The following CADM1 variants were observed in gnomAD, a reference collection of about 807,000 sequenced individuals.
The protein encoded by CADM1 is TSLC-1.
Under a neutral mutation model 53.1 loss-of-function variants are expected in CADM1, and 15 were observed. The observed-to-expected ratio is 0.28, with a 90% CI of 0.19 to 0.44. CADM1 has a LOEUF of 0.44. Among genes scored for constraint, CADM1 ranks in the 20% least tolerant of loss-of-function variants. The pLI, the probability that CADM1 is intolerant of heterozygous loss-of-function variation, is 1.00. For missense variants in CADM1, 434 were observed against 611.3 expected, an observed-to-expected ratio of 0.71 and a Z score of 3.06; for synonymous variants, 281 against 243.0, an observed-to-expected ratio of 1.16 and a Z score of -1.45.
chr11:115,277,420 G>A (rs1254153820), intron 1 of CADM1, among the ~76,000 whole-genome samples: 1 of 152,172 alleles, frequency 6.6e-6, no homozygotes, highest in Admixed American at 6.5e-5. Flanking sequence ...CTACAGTCCA[G>A]TGAAATTATG....
chr11:115,218,921 T>C (rs1383932697), intron 5 of CADM1, among the ~76,000 whole-genome samples: 4 of 152,186 alleles, frequency 2.6e-5, no homozygotes, highest in Non-Finnish European at 5.9e-5. Flanking sequence ...GGAATTAACA[T>C]AGATACACAT....
In CADM1 at chr11:115,401,515, G is replaced by GA. The variant is rs1363409215; in HGVS notation, c.124+102755dup. ...CCCAGCTACACAGGAGGCTGAGGCA[G>GA]AAGAATCGCTTGAACCCGGGAGGCG... On this transcript the variant is annotated intron_variant, in intron 1 of 11. Transcript: ENST00000331581. Among the ~76,000 whole-genome samples, 8 of 152,290 alleles carry GA rather than the reference G, an allele frequency of 5.3e-5. No homozygotes were observed. In the East Asian group the frequency reaches 1.2e-3, roughly 22 times the overall value.
intron 10 of CADM1, among the ~76,000 whole-genome samples, chr11:115,183,928 T>C (rs1939426235): frequency 6.6e-6 from 1 of 152,236 alleles, no homozygotes; most frequent in Non-Finnish European, 1.5e-5. Flanking sequence ...GGAAAAGAAT[T>C]GTTGCGGACT....
At chr11:115,447,270 A>G (rs1234706726) in intron 1 of CADM1, among the ~76,000 whole-genome samples, 1 of 152,242 alleles carries the variant, frequency 6.6e-6, no homozygotes, top group Non-Finnish European at 1.5e-5. Context: ...TCTAATTTTG[A>G]AATGTGAACC....
intron 1 of CADM1, among the ~76,000 whole-genome samples, chr11:115,396,045 T>G (rs1946986704): frequency 6.6e-6 from 1 of 152,198 alleles, no homozygotes; most frequent in South Asian, 2.1e-4. Flanking sequence ...GGAAAGAACC[T>G]AGATTATTTT....
intron 1 of CADM1, among the ~76,000 whole-genome samples, chr11:115,283,481 C>T (rs186653293): frequency 1.3e-5 from 2 of 152,226 alleles, no homozygotes; most frequent in African/African-American, 4.8e-5. Flanking sequence ...TGTGTAAAGC[C>T]ACAGAGGTGG....
chr11:115,494,437 T>A (rs968055180), intron 1 of CADM1, among the ~76,000 whole-genome samples: 2 of 152,262 alleles, frequency 1.3e-5, no homozygotes, highest in South Asian at 4.1e-4. Flanking sequence ...ATATAAAATA[T>A]AAAAAACTGC....
chr11:115,390,026 T>C (rs768206436), intron 1 of CADM1, among the ~76,000 whole-genome samples: 2 of 152,072 alleles, frequency 1.3e-5, no homozygotes, highest in African/African-American at 2.4e-5. Context: ...GTGGTACTTA[T>C]TTAGAGTTGT....
At chr11:115,184,191 A>C (rs758086012) in intron 10 of CADM1, among the ~76,000 whole-genome samples, 1 of 152,158 alleles carries the variant, frequency 6.6e-6, no homozygotes, top group Non-Finnish European at 1.5e-5. Context: ...GCAAAACCAT[A>C]ATCTGACCTA....
intron 1 of CADM1, among the ~76,000 whole-genome samples, chr11:115,444,514 A>G (rs1948404000): frequency 6.6e-6 from 1 of 152,182 alleles, no homozygotes. Context: ...TACCAAGCCA[A>G]TCTTTTTCCG....
chr11:115,242,319 A>C (rs1942264809), intron 1 of CADM1, among the ~76,000 whole-genome samples: 1 of 151,700 alleles, frequency 6.6e-6, no homozygotes, highest in South Asian at 2.1e-4. Flanking sequence ...AATAACAACA[A>C]AGAGAAAAGG....
chr11:115,283,406 C>T (rs1408804261), intron 1 of CADM1, among the ~76,000 whole-genome samples: 1 of 152,126 alleles, frequency 6.6e-6, no homozygotes, highest in Non-Finnish European at 1.5e-5. Flanking sequence ...AAACAAGGTT[C>T]AGAGGCCAGC....
chr11:115,302,513 A>G (rs1485372303), intron 1 of CADM1, among the ~76,000 whole-genome samples: 1 of 151,998 alleles, frequency 6.6e-6, no homozygotes, highest in Non-Finnish European at 1.5e-5. Context: ...AGGCAATTCA[A>G]ACCATTATAT....
intron 1 of CADM1, among the ~76,000 whole-genome samples, chr11:115,252,203 A>G (rs1327310350): frequency 6.6e-6 from 1 of 152,222 alleles, no homozygotes; most frequent in Non-Finnish European, 1.5e-5. Flanking sequence ...ATGTTTCTAT[A>G]TTTTAAAATG....
intron 1 of CADM1, among the ~76,000 whole-genome samples, chr11:115,279,574 G>T (rs1259642705): frequency 6.6e-6 from 1 of 152,138 alleles, no homozygotes; most frequent in African/African-American, 2.4e-5. Context: ...CAAGTTATAG[G>T]TGAAAACTGA....
chr11:115,209,507 C>G, intron 8 of CADM1, 67 bp downstream of exon 8: 1 of 1,594,088 alleles, frequency 6.3e-7, no homozygotes, highest in Non-Finnish European at 8.5e-7. Context: ...TTTTCGGCTT[C>G]TTTTTATACA....
At chr11:115,431,776 C>T (rs1400258066) in intron 1 of CADM1, among the ~76,000 whole-genome samples, 1 of 152,082 alleles carries the variant, frequency 6.6e-6, no homozygotes, top group Non-Finnish European at 1.5e-5. Context: ...ACTTCCTCCA[C>T]GAAGCCCTCC....
intron 1 of CADM1, among the ~76,000 whole-genome samples, chr11:115,474,106 A>G (rs1334781712): frequency 1.3e-5 from 2 of 151,860 alleles, no homozygotes; most frequent in Non-Finnish European, 2.9e-5. Context: ...CATCCTGGCT[A>G]ATATGGTAAA....
At chr11:115,347,792 T>C (rs1166961999) in intron 1 of CADM1, among the ~76,000 whole-genome samples, 1 of 152,182 alleles carries the variant, frequency 6.6e-6, no homozygotes, top group Admixed American at 6.5e-5. Flanking sequence ...CATGCTACAA[T>C]AGTTTTACAT....
Sources: allele counts gnomAD v4.1 joint callset (sites outside exome capture counted in the v4.1 genomes callset), GRCh38; gene constraint gnomAD v4.1.1; transcripts MANE v1.5; gene names NCBI Gene and HGNC (gene_info 2026-07-23, HGNC 2026-07-21).